CATSPER3: variants seen among roughly 807,000 people sequenced by gnomAD.
CATSPER3 encodes cation channel sperm-associated protein 3.
In CATSPER3, 23 loss-of-function variants were observed where a neutral mutation model predicts 36.6. The observed-to-expected ratio is 0.63, with a 90% CI of 0.45 to 0.89. CATSPER3 has a LOEUF of 0.89. Ranked by LOEUF, CATSPER3 falls within the 40% of genes least tolerant of loss-of-function variation. The probability of loss-of-function intolerance (pLI) is 0.00; values close to 1 mark genes in which losing one functional copy is unlikely to be tolerated. For synonymous variants in CATSPER3, 172 were observed against 184.1 expected, an observed-to-expected ratio of 0.93 and a Z score of 0.53; for missense variants, 474 against 503.9, an observed-to-expected ratio of 0.94 and a Z score of 0.57.
intron 2 of CATSPER3, among the ~76,000 whole-genome samples, chr5:134,980,655 T>C (rs1751739451): frequency 6.6e-6 from 1 of 151,934 alleles, no homozygotes; most frequent in Non-Finnish European, 1.5e-5. Flanking sequence ...GGTCTCAATC[T>C]CCTGACCTCA....
intron 3 of CATSPER3, 26 bp downstream of exon 3, chr5:134,996,538 G>T (rs376972993): frequency 1.1e-4 from 175 of 1,612,010 alleles, no homozygotes; most frequent in Non-Finnish European, 1.4e-4. Context: ...GTGTCATGGT[G>T]CTGGGAGGGC....
chr5:134,971,261 A>G (rs976340425), intron 2 of CATSPER3, among the ~76,000 whole-genome samples: 1 of 151,800 alleles, frequency 6.6e-6, no homozygotes, highest in Non-Finnish European at 1.5e-5. Context: ...TCCCATCTCT[A>G]TTAAAAAAAA....
At chr5:135,011,377 CA>C in intron 7 of CATSPER3, 143 bp from the exon 8 acceptor site, 1 of 701,838 alleles carries the variant, frequency 1.4e-6, no homozygotes, top group Non-Finnish European at 2.5e-6. Flanking sequence ...TCCAAGATTC[CA>C]ACCCAGCCTC....
chr5:135,006,812 T>A (rs1752093131), intron 3 of CATSPER3, among the ~76,000 whole-genome samples: 1 of 140,768 alleles, frequency 7.1e-6, no homozygotes, highest in South Asian at 2.2e-4. Flanking sequence ...CACTCCAGCC[T>A]GGGTGACAGA....
In CATSPER3 at chr5:135,008,587, C is replaced by T. The variant is rs540329390; in HGVS notation, c.676-254C>T. On this transcript the variant is annotated intron_variant, in intron 4 of 7. Coordinates refer to ENST00000282611, the MANE Select transcript of CATSPER3 (RefSeq NM_178019.3). The stretch of plus-strand genomic sequence containing the variant: ...GGCCTGGCAGAGAGGCAGTGTCTTT[C>T]TGGGAAGGTTGGGAGGCCTTGAGAA... 3.3e-5 allele frequency among the ~76,000 whole-genome samples: 5 copies of T among 152,112 alleles called. No homozygotes were observed. In the South Asian group the frequency reaches 1.0e-3, roughly 32 times the overall value.
intron 3 of CATSPER3, among the ~76,000 whole-genome samples, chr5:134,999,951 T>C (rs1015833116): frequency 1.3e-5 from 2 of 152,204 alleles, no homozygotes; most frequent in Admixed American, 1.3e-4. Context: ...CTATGTTGAA[T>C]AGGAGTGGTG....
rs1437848610 is a variant in CATSPER3, at chr5:135,008,138, C to T, written c.674C>T (p.Thr225Met). ...AAFFTLFSLA[T>M]VDGWTDLQKQ... is the part of the protein sequence containing the mutation. ...TTTTTCACCCTCTTCAGCTTGGCCACGGTACTGTGTTTGGGAACAGTGGTG... is the reference window on the plus strand; with the variant it reads ...TTTTTCACCCTCTTCAGCTTGGCCATGGTACTGTGTTTGGGAACAGTGGTG... The change falls in exon 4 of 8, where the codon ACG becomes ATG. Residue 225 changes from threonine (T) to methionine (M), a missense_variant and splice_region_variant. Physicochemically the swap from Thr to Met is moderately conservative, Grantham distance 81 (BLOSUM62 -1). Transcript: ENST00000282611. The T allele has an allele frequency of 2.5e-6, 4 of 1,613,646 alleles. No individual in the cohort carries two copies. The highest frequency in any genetic ancestry group is 3.4e-6 in the Non-Finnish European group (4 of 1,179,646).
At position 134,971,559 on chromosome 5, in the gene CATSPER3, A is replaced by G. The variant is rs528110304; in HGVS notation, c.252+1467A>G. On this transcript the variant is annotated intron_variant, in intron 2 of 7. Transcript: ENST00000282611. ...TATGTCTCTGTGGGGAAAGAAACAG[A>G]GGGAAGCCATTATTTATTTATTAGA... Among the ~76,000 whole-genome samples, 43 of 152,172 alleles carry G rather than the reference A, an allele frequency of 2.8e-4. 1 individual carries two copies. Among genetic ancestry groups the G allele is most frequent in the Non-Finnish European group, 2.9e-5 (2 of 68,020 alleles).
chr5:134,980,778 G>T (rs1326556816), intron 2 of CATSPER3, among the ~76,000 whole-genome samples: 1 of 151,942 alleles, frequency 6.6e-6, no homozygotes, highest in Non-Finnish European at 1.5e-5. Flanking sequence ...CCTGGGCTTG[G>T]GTGCAGTGAC....
At chr5:134,971,981 A>G (rs1007800636) in intron 2 of CATSPER3, among the ~76,000 whole-genome samples, 1 of 152,218 alleles carries the variant, frequency 6.6e-6, no homozygotes, top group Non-Finnish European at 1.5e-5. Context: ...AAAACAGCAC[A>G]ATAGAAAAAG....
Position 135,008,104 on chromosome 5 carries a change from GC to G in CATSPER3, c.641del (p.Ala214ValfsTer30). 3.7e-6 allele frequency: 6 copies of G among 1,614,128 alleles called. No homozygotes were observed. Among genetic ancestry groups the G allele is most frequent in the Non-Finnish European group, 5.1e-6 (6 of 1,180,040 alleles). ...TGACCATGATAACTGGGGGAACCTG[GC>G]TGCAGCTTTTTTCACCCTCTTCAGC... ...NGDHDNWGNL[A>X]AAFFTLFSLA... On this transcript the variant is annotated frameshift_variant, in exon 4 of 8. Transcript: ENST00000282611. LOFTEE classifies it high-confidence loss of function.
intron 2 of CATSPER3, among the ~76,000 whole-genome samples, chr5:134,976,617 C>T (rs1751678186): frequency 6.6e-6 from 1 of 152,228 alleles, no homozygotes; most frequent in Admixed American, 6.5e-5. Flanking sequence ...CAGAGCTCCA[C>T]TAGGCAGTGC....
chr5:134,968,480 C>G (rs1227818117), intron 1 of CATSPER3: 7 of 267,080 alleles, frequency 2.6e-5, no homozygotes, highest in Non-Finnish European at 5.1e-5. Context: ...CACTTGAGGT[C>G]AGGAGTTTGA....
chr5:134,998,450 G>C (rs1751979957), intron 3 of CATSPER3, among the ~76,000 whole-genome samples: 1 of 152,180 alleles, frequency 6.6e-6, no homozygotes, highest in South Asian at 2.1e-4. Flanking sequence ...TGGGATGGCT[G>C]GGTCAAATGG....
chr5:134,970,784 A>G (rs950093511), intron 2 of CATSPER3, among the ~76,000 whole-genome samples: 1 of 151,880 alleles, frequency 6.6e-6, no homozygotes, highest in African/African-American at 2.4e-5. Flanking sequence ...GTTGGCCAGG[A>G]TGGTCTTGAA....
chr5:134,974,895 C>A (rs1458988932), intron 2 of CATSPER3, among the ~76,000 whole-genome samples: 1 of 151,932 alleles, frequency 6.6e-6, no homozygotes, highest in Non-Finnish European at 1.5e-5. Flanking sequence ...AATTGAGGAG[C>A]CTAAACCCTC....
intron 3 of CATSPER3, among the ~76,000 whole-genome samples, chr5:135,002,928 C>T (rs996100808): frequency 9.2e-5 from 14 of 152,252 alleles, no homozygotes; most frequent in Middle Eastern, 3.4e-3. Flanking sequence ...GAAGTTTGAT[C>T]GTCTGAAGCC....
At chr5:134,968,670 G>A (rs1751563326) in intron 1 of CATSPER3, 1 of 149,558 alleles carries the variant, frequency 6.7e-6, no homozygotes, top group Admixed American at 6.7e-5. Context: ...CAGCCTGGGT[G>A]ACAGAACGAG....
chr5:135,000,154 C>T (rs1261562853), intron 3 of CATSPER3, among the ~76,000 whole-genome samples: 2 of 152,166 alleles, frequency 1.3e-5, no homozygotes. Context: ...TTTTCTACAT[C>T]TGTTGAGATA....
Sources: allele counts gnomAD v4.1 joint callset (sites outside exome capture counted in the v4.1 genomes callset), GRCh38; gene constraint gnomAD v4.1.1; transcripts MANE v1.5; gene names NCBI Gene and HGNC (gene_info 2026-07-23, HGNC 2026-07-21).